Variants in DDX10 observed in about 807,000 individuals in gnomAD.
The protein encoded by DDX10 is DEAD-box helicase 10.
Under a neutral mutation model 104.3 loss-of-function variants are expected in DDX10, and 74 were observed. The observed-to-expected ratio is 0.71, with a 90% confidence interval of 0.59 to 0.86. The LOEUF (loss-of-function observed/expected upper bound fraction) is 0.86, where lower values mean the gene tolerates loss of function less well. DDX10 is among the 40% of genes least tolerant of loss of function. The probability of loss-of-function intolerance (pLI) is 0.00; values close to 1 mark genes in which losing one functional copy is unlikely to be tolerated. For synonymous variants in DDX10, 351 were observed against 353.4 expected (o/e 0.99, Z 0.08); for missense variants, 952 against 1,040.0 (o/e 0.92, Z 1.16).
intron 13 of DDX10, 22 bp from the exon 14 acceptor site, chr11:108,838,424 T>A: frequency 1.3e-6 from 2 of 1,596,494 alleles, no homozygotes; most frequent in Non-Finnish European, 1.7e-6. Flanking sequence ...ATCATCTGTG[T>A]TTTTTGTATG....
chr11:108,910,979 G>A (rs1863669240), intron 16 of DDX10, among the ~76,000 whole-genome samples: 1 of 152,172 alleles, frequency 6.6e-6, no homozygotes, highest in Non-Finnish European at 1.5e-5. Context: ...TCGGCCACAT[G>A]TTAGGGGATC....
intron 17 of DDX10, chr11:108,919,570 C>T (rs1863797424): frequency 4.6e-5 from 7 of 152,204 alleles, no homozygotes; most frequent in Admixed American, 4.6e-4. Flanking sequence ...ACATACATGA[C>T]TTTCAGTCAT....
intron 13 of DDX10, among the ~76,000 whole-genome samples, chr11:108,799,183 A>G (rs1861985027): frequency 6.6e-6 from 1 of 152,164 alleles, no homozygotes. Flanking sequence ...CACATCTACA[A>G]AGTGTTCTCC....
intron 1 of DDX10, among the ~76,000 whole-genome samples, chr11:108,668,150 A>G (rs181774293): frequency 3.9e-5 from 6 of 152,292 alleles, no homozygotes; most frequent in Admixed American, 1.3e-4. Context: ...ACTTTTATTC[A>G]TGCTGGCTTT....
intron 13 of DDX10, among the ~76,000 whole-genome samples, chr11:108,772,266 G>A (rs563504987): frequency 3.3e-5 from 5 of 152,198 alleles, no homozygotes; most frequent in Non-Finnish European, 7.3e-5. Flanking sequence ...TGGAAAAAGG[G>A]TCATTGCAGA....
At chr11:108,760,274 T>C (rs931503899) in intron 13 of DDX10, among the ~76,000 whole-genome samples, 1 of 152,192 alleles carries the variant, frequency 6.6e-6, no homozygotes, top group East Asian at 1.9e-4. Flanking sequence ...CTACAGAACA[T>C]TGGCATAGCT....
chr11:108,924,395 A>G (rs1239796634), intron 17 of DDX10, among the ~76,000 whole-genome samples: 1 of 152,178 alleles, frequency 6.6e-6, no homozygotes, highest in Non-Finnish European at 1.5e-5. Context: ...CCTCATTTAG[A>G]CCTGATAACT....
At chr11:108,747,338 A>G (rs778905220) in intron 13 of DDX10, among the ~76,000 whole-genome samples, 2 of 152,168 alleles carry the variant, frequency 1.3e-5, no homozygotes, top group Non-Finnish European at 2.9e-5. Flanking sequence ...GATACCCTGG[A>G]GCTTCTATAT....
chr11:108,918,089 A>T (rs780772223), intron 17 of DDX10, 71 bp downstream of exon 17: 127 of 1,467,546 alleles, frequency 8.7e-5, no homozygotes, highest in Non-Finnish European at 9.8e-5. Context: ...AATCCAAAAG[A>T]CATTACTAAG....
chr11:108,933,617 TC>T (rs1864001595), intron 17 of DDX10, among the ~76,000 whole-genome samples: 1 of 152,254 alleles, frequency 6.6e-6, no homozygotes, highest in Non-Finnish European at 1.5e-5. Context: ...ATTGGGTACT[TC>T]TTTTTTACAA....
At chr11:108,926,163 A>T (rs191093958) in intron 17 of DDX10, among the ~76,000 whole-genome samples, 59 of 152,070 alleles carry the variant, frequency 3.9e-4, no homozygotes, top group African/African-American at 1.1e-3. Flanking sequence ...AATCTGGGAG[A>T]AGAGACATAA....
At chr11:108,766,772 A>G (rs1020687267) in intron 13 of DDX10, among the ~76,000 whole-genome samples, 9 of 152,204 alleles carry the variant, frequency 5.9e-5, no homozygotes, top group Non-Finnish European at 1.0e-4. Flanking sequence ...TGCCTGGTAC[A>G]TAGTTAACAC....
intron 17 of DDX10, among the ~76,000 whole-genome samples, chr11:108,925,200 C>A (rs1038619878): frequency 2.0e-5 from 3 of 152,140 alleles, no homozygotes; most frequent in African/African-American, 7.2e-5. Context: ...AGAAAGGTTG[C>A]TACACATTGG....
intron 13 of DDX10, among the ~76,000 whole-genome samples, chr11:108,737,082 G>A (rs1051939347): frequency 6.6e-6 from 1 of 152,028 alleles, no homozygotes; most frequent in African/African-American, 2.4e-5. Flanking sequence ...CTTGTTTGTA[G>A]CATGGAGTCC....
chr11:108,812,732 A>G (rs370340948), intron 13 of DDX10, among the ~76,000 whole-genome samples: 194 of 152,244 alleles, frequency 1.3e-3, no homozygotes, highest in African/African-American at 4.5e-3. Flanking sequence ...CTGTAATCCC[A>G]GCTCTTTGGG....
intron 13 of DDX10, among the ~76,000 whole-genome samples, chr11:108,803,437 T>TA (rs1240228481): frequency 3.3e-5 from 5 of 151,632 alleles, no homozygotes; most frequent in Non-Finnish European, 7.4e-5. Context: ...CTACTAAAAA[T>TA]AAAAAAATTA....
At chr11:108,758,134 A>T (rs770678694) in intron 13 of DDX10, among the ~76,000 whole-genome samples, 1 of 152,050 alleles carries the variant, frequency 6.6e-6, no homozygotes, top group Non-Finnish European at 1.5e-5. Context: ...CAAGAGATGT[A>T]CAATGTGGCA....
At chr11:108,698,781 CT>C (rs1438818446) in intron 9 of DDX10, among the ~76,000 whole-genome samples, 1 of 152,220 alleles carries the variant, frequency 6.6e-6, no homozygotes, top group Non-Finnish European at 1.5e-5. Flanking sequence ...CAATGACCCC[CT>C]GGGCCTAAAC....
At chr11:108,718,618 G>T (rs926002028) in intron 11 of DDX10, among the ~76,000 whole-genome samples, 2 of 152,186 alleles carry the variant, frequency 1.3e-5, no homozygotes, top group Non-Finnish European at 2.9e-5. Context: ...GCATACAACG[G>T]ATGAGCCTTC....
Sources: allele counts gnomAD v4.1 joint callset (sites outside exome capture counted in the v4.1 genomes callset), GRCh38; gene constraint gnomAD v4.1.1; transcripts MANE v1.5; gene names NCBI Gene and HGNC (gene_info 2026-07-23, HGNC 2026-07-21).